The following EHBP1 variants were observed in gnomAD, a reference collection of about 807,000 sequenced individuals.
EHBP1 encodes EH domain-binding protein 1.
A neutral mutation model predicts 144.0 loss-of-function variants in EHBP1; 55 were observed. The ratio of observed to expected loss-of-function variants is 0.38; its 90% confidence interval spans 0.31 to 0.48. The LOEUF is 0.48. EHBP1 is among the 20% of genes least tolerant of loss of function. EHBP1 has a pLI of 0.98. For missense variants in EHBP1, 1,200 were observed against 1,364.2 expected, an observed-to-expected ratio of 0.88 and a Z score of 1.90; for synonymous variants, 469 against 472.7, an observed-to-expected ratio of 0.99 and a Z score of 0.10.
At chr2:62,796,566 C>T (rs2043549866) in intron 5 of EHBP1, among the ~76,000 whole-genome samples, 1 of 152,150 alleles carries the variant, frequency 6.6e-6, no homozygotes, top group African/African-American at 2.4e-5. Flanking sequence ...TCTTTCCACA[C>T]ATAAAACGTA....
chr2:62,681,492 G>C (rs1372441493), intron 1 of EHBP1, among the ~76,000 whole-genome samples: 1 of 151,000 alleles, frequency 6.6e-6, no homozygotes, highest in Non-Finnish European at 1.5e-5. Context: ...TGCTAAAGAG[G>C]CTTGCAATAG....
chr2:63,009,883 G>A lies in EHBP1; in HGVS notation c.3103+13117G>A, dbSNP rs188159186. Among the ~76,000 whole-genome samples the A allele has an allele frequency of 4.0e-5, 6 of 151,382 alleles. No homozygotes were observed. The East Asian group carries it at 1.2e-3, about 29-fold the overall frequency. ...TGATAAAGTTTAATTTATAAATTAG[G>A]CACAGTAAGAGATTAATAGCAATAA... is the stretch of plus-strand genomic sequence containing the variant. On this transcript the variant is annotated intron_variant, in intron 19 of 22. Coordinates refer to ENST00000431489, the MANE Select transcript of EHBP1 (RefSeq NM_001142616.3).
At chr2:62,840,098 G>T (rs1172266562) in intron 7 of EHBP1, among the ~76,000 whole-genome samples, 1 of 151,270 alleles carries the variant, frequency 6.6e-6, no homozygotes, top group Non-Finnish European at 1.5e-5. Flanking sequence ...ATACTACAAG[G>T]CTACAGTAAC....
At chr2:62,866,892 A>G (rs2050085883) in intron 9 of EHBP1, among the ~76,000 whole-genome samples, 1 of 152,182 alleles carries the variant, frequency 6.6e-6, no homozygotes, top group Non-Finnish European at 1.5e-5. Context: ...AAACTCAAGC[A>G]CAAGAAAAAT....
chr2:62,722,280 T>C (rs1388499556), intron 2 of EHBP1, among the ~76,000 whole-genome samples: 1 of 152,008 alleles, frequency 6.6e-6, no homozygotes, highest in Non-Finnish European at 1.5e-5. Flanking sequence ...TATAGGTGCA[T>C]ACCACCACAC....
intron 7 of EHBP1, among the ~76,000 whole-genome samples, chr2:62,840,286 A>G (rs1381967170): frequency 6.8e-6 from 1 of 147,138 alleles, no homozygotes; most frequent in Non-Finnish European, 1.5e-5. Flanking sequence ...GGCTAGCCAT[A>G]TGTAGGAAGC....
At chr2:62,925,748 A>G (rs749174078) in intron 10 of EHBP1, among the ~76,000 whole-genome samples, 8 of 152,190 alleles carry the variant, frequency 5.3e-5, no homozygotes, top group Non-Finnish European at 1.0e-4. Flanking sequence ...CTGATGAAAG[A>G]AATTGAAGAG....
chr2:62,926,211 C>G (rs953993446), intron 10 of EHBP1, among the ~76,000 whole-genome samples: 1 of 151,850 alleles, frequency 6.6e-6, no homozygotes, highest in African/African-American at 2.4e-5. Flanking sequence ...ACTAGACTGC[C>G]ACCTCTCAAA....
At chr2:62,879,091 C>G (rs866762026) in intron 10 of EHBP1, among the ~76,000 whole-genome samples, 6 of 151,648 alleles carry the variant, frequency 4.0e-5, no homozygotes, top group African/African-American at 1.5e-4. Context: ...AATTTAACAT[C>G]CCTTCATGTT....
intron 2 of EHBP1, among the ~76,000 whole-genome samples, chr2:62,716,021 A>G (rs1193218394): frequency 5.3e-5 from 8 of 151,996 alleles, no homozygotes; most frequent in Non-Finnish European, 1.2e-4. Context: ...TTATCACTCT[A>G]GCTTCTCCTC....
chr2:62,988,095 A>G, intron 15 of EHBP1: 2 of 944,424 alleles, frequency 2.1e-6, no homozygotes, highest in South Asian at 1.5e-5. Flanking sequence ...TTATGGTTAT[A>G]TTTTTATTAT....
chr2:63,034,003 C>T lies in EHBP1; in HGVS notation c.3104-3532C>T, dbSNP rs147111846. ...ACAAATCATACTCCAGCTGCAATAACGGATTAAAAGAAAAAACTGACTTTA... is the reference window on the plus strand; with the variant it reads ...ACAAATCATACTCCAGCTGCAATAATGGATTAAAAGAAAAAACTGACTTTA... On this transcript the variant is annotated intron_variant, in intron 19 of 22. Transcript: ENST00000431489. Among the ~76,000 whole-genome samples the T allele has an allele frequency of 1.4e-4, 21 of 151,764 alleles. No homozygotes were observed. The East Asian group carries it at 3.1e-3, about 22-fold the overall frequency.
intron 10 of EHBP1, among the ~76,000 whole-genome samples, chr2:62,922,677 G>GA (rs2153010661): frequency 6.6e-6 from 1 of 152,176 alleles, no homozygotes; most frequent in East Asian, 1.9e-4. Context: ...AAATAGCCAA[G>GA]ATTTGACAGG....
At chr2:62,793,719 A>G (rs1022887119) in intron 5 of EHBP1, among the ~76,000 whole-genome samples, 1 of 152,134 alleles carries the variant, frequency 6.6e-6, no homozygotes, top group African/African-American at 2.4e-5. Context: ...TAATAGCTCT[A>G]TGCTGCATAT....
At chr2:62,999,157 T>C (rs1000611975) in intron 19 of EHBP1, among the ~76,000 whole-genome samples, 14 of 152,138 alleles carry the variant, frequency 9.2e-5, no homozygotes, top group African/African-American at 3.4e-4. Flanking sequence ...CTTAAGATGA[T>C]CTCATTAGGA....
At chr2:63,022,556 C>T (rs2060800367) in intron 19 of EHBP1, among the ~76,000 whole-genome samples, 1 of 151,970 alleles carries the variant, frequency 6.6e-6, no homozygotes, top group African/African-American at 2.4e-5. Flanking sequence ...CTCAGGTGAT[C>T]CGCCTGCCTC....
intron 7 of EHBP1, among the ~76,000 whole-genome samples, chr2:62,833,350 A>G (rs1239963009): frequency 2.0e-5 from 3 of 152,246 alleles, no homozygotes; most frequent in Admixed American, 6.5e-5. Context: ...TCTCACCAAG[A>G]TCATTGATGA....
rs768323831 is a variant in EHBP1 at position 62,681,340 on chromosome 2, G to GTATATA, written c.-296+7272_-296+7277dup. 5.8e-3 allele frequency among the ~76,000 whole-genome samples: 337 copies of GTATATA among 58,558 alleles called. 36 individuals carry two copies. Among genetic ancestry groups the GTATATA allele is most frequent in the African/African-American group, 0.024 (278 of 11,614 alleles). The allele number at this position is 58,558 out of a possible 152,430, so 38.4% of individuals were successfully genotyped here. Reference sequence around the variant, plus strand: ...TATATATTTGTATGTATGTGTGTGTGTATATATATATATATATATAATGTG... The same window carrying GTATATA: ...TATATATTTGTATGTATGTGTGTGTGTATATATATATATATATATATATATAATGTG... On this transcript the variant is annotated intron_variant, in intron 1 of 22. Transcript: ENST00000405015.
intron 21 of EHBP1, chr2:63,044,458 G>A (rs1053600664): frequency 6.6e-6 from 1 of 152,042 alleles, no homozygotes; most frequent in African/African-American, 2.4e-5. Flanking sequence ...TAATATTGCA[G>A]AGCAAATTTA....
Sources: gnomAD v4.1 joint callset for allele counts (sites outside exome capture counted in the v4.1 genomes callset) on GRCh38, gnomAD v4.1.1 for gene constraint, MANE v1.5 for transcripts, NCBI Gene and HGNC (gene_info 2026-07-23, HGNC 2026-07-21) for gene names.